Variants in LINGO2 observed in about 807,000 individuals in gnomAD.
LINGO2 encodes the protein leucine rich repeat and Ig domain containing 2.
LINGO2 carries 14 observed loss-of-function variants against 30.6 expected under a neutral mutation model. The ratio of observed to expected loss-of-function variants is 0.46; its 90% CI spans 0.30 to 0.72. The LOEUF (loss-of-function observed/expected upper bound fraction) is 0.72, where lower values mean the gene tolerates loss of function less well. Ranked by LOEUF, LINGO2 falls within the 30% of genes least tolerant of loss-of-function variation. The pLI is 0.07. For missense variants in LINGO2, 729 were observed against 751.7 expected (o/e 0.97, Z 0.35); for synonymous variants, 317 against 288.5 (o/e 1.10, Z -1.00).
the LINGO2 span, among the ~76,000 whole-genome samples, chr9:28,727,399 C>T: frequency 9.5e-4 from 145 of 152,192 alleles, no homozygotes; most frequent in African/African-American, 3.3e-3. Flanking sequence ...CATTCTCCTG[C>T]CTCAGCCTCC....
At chr9:28,705,137 G>A in the LINGO2 span, among the ~76,000 whole-genome samples, 2 of 151,850 alleles carry the variant, frequency 1.3e-5, no homozygotes, top group South Asian at 4.2e-4. Context: ...GGTTGGTCTC[G>A]AACTCTTGAG....
chr9:28,834,977 T>G, the LINGO2 span, among the ~76,000 whole-genome samples: 5 of 152,192 alleles, frequency 3.3e-5, no homozygotes, highest in African/African-American at 9.7e-5. Context: ...AATGTCTTTT[T>G]AAATGAATGA....
the LINGO2 span, among the ~76,000 whole-genome samples, chr9:28,886,588 T>C: frequency 2.0e-5 from 3 of 152,172 alleles, no homozygotes; most frequent in African/African-American, 7.2e-5. Context: ...ACATAATTTC[T>C]TTTGTTGCTT....
intron 1 of LINGO2, among the ~76,000 whole-genome samples, chr9:28,541,448 C>G (rs1821694047): frequency 6.6e-6 from 1 of 152,052 alleles, no homozygotes; most frequent in African/African-American, 2.4e-5. Flanking sequence ...CATTCATTGT[C>G]AGAAAAATAG....
the LINGO2 span, among the ~76,000 whole-genome samples, chr9:29,028,629 G>T: frequency 6.6e-6 from 1 of 152,104 alleles, no homozygotes; most frequent in Non-Finnish European, 1.5e-5. Context: ...TAGAAATGAT[G>T]GTTTGCCTAT....
At chr9:28,905,187 C>G in the LINGO2 span, among the ~76,000 whole-genome samples, 1 of 150,018 alleles carries the variant, frequency 6.7e-6, no homozygotes, top group Non-Finnish European at 1.5e-5. Context: ...AAGAAAATAA[C>G]AGGGAAGCTC....
chr9:28,038,761 CA>C (rs1041337627), intron 4 of LINGO2, among the ~76,000 whole-genome samples: 3 of 151,300 alleles, frequency 2.0e-5, no homozygotes, highest in African/African-American at 7.3e-5. Flanking sequence ...GTGTTGAAAT[CA>C]AACACTCCAA....
chr9:28,315,447 T>C (rs1824808551), intron 3 of LINGO2, among the ~76,000 whole-genome samples: 1 of 151,430 alleles, frequency 6.6e-6, no homozygotes, highest in Non-Finnish European at 1.5e-5. Flanking sequence ...TGATGTGGAG[T>C]GACTTTCCAT....
chr9:28,554,279 G>A (rs536050584), intron 1 of LINGO2, among the ~76,000 whole-genome samples: 74 of 150,872 alleles, frequency 4.9e-4, no homozygotes, highest in Non-Finnish European at 8.4e-4. Flanking sequence ...ACACACATAG[G>A]CTCAAAATAA....
intron 1 of LINGO2, among the ~76,000 whole-genome samples, chr9:28,622,897 T>C (rs1296717025): frequency 2.6e-5 from 4 of 152,066 alleles, no homozygotes; most frequent in Admixed American, 2.0e-4. Flanking sequence ...TGGGGTGAGA[T>C]GATATCTCAT....
At chr9:28,301,285 T>C (rs1824131350) in intron 3 of LINGO2, among the ~76,000 whole-genome samples, 1 of 151,962 alleles carries the variant, frequency 6.6e-6, no homozygotes, top group African/African-American at 2.4e-5. Flanking sequence ...TTGTAACTAT[T>C]GAGGAGTCAC....
At chr9:29,164,093 G>A in the LINGO2 span, among the ~76,000 whole-genome samples, 1 of 147,552 alleles carries the variant, frequency 6.8e-6, no homozygotes, top group Non-Finnish European at 1.5e-5. Flanking sequence ...GTTGATGAAG[G>A]GGCCTACATG....
chr9:27,943,743 G>A (rs543219298), downstream of LINGO2: 1 of 152,304 alleles, frequency 6.6e-6, no homozygotes, highest in African/African-American at 2.4e-5. Flanking sequence ...AGTGACAGTG[G>A]TAAGTAGGCA....
At chr9:28,486,440 A>G (rs1826165668) in intron 1 of LINGO2, among the ~76,000 whole-genome samples, 1 of 152,122 alleles carries the variant, frequency 6.6e-6, no homozygotes, top group South Asian at 2.1e-4. Context: ...TGTTATTTAG[A>G]GAAAAAAAAA....
chr9:27,961,417 A>G lies in LINGO2; in HGVS notation c.-35-10711T>C, dbSNP rs78940925. ...TCATCCTTGGTGGAGAGAGGTACAGACATAGCGAATAGTGTTTGCAAAGGC... is the reference window on the plus strand; with the variant it reads ...TCATCCTTGGTGGAGAGAGGTACAGGCATAGCGAATAGTGTTTGCAAAGGC... On this transcript the variant is annotated intron_variant, in intron 5 of 5. Coordinates refer to ENST00000379992, the Ensembl canonical transcript of LINGO2. Among the ~76,000 whole-genome samples, 345 of 152,296 alleles carry G rather than the reference A, an allele frequency of 2.3e-3. 3 individuals carry two copies. The highest frequency in any genetic ancestry group is 7.5e-3 in the African/African-American group (310 of 41,566).
At chr9:28,093,543 C>G (rs535536237) in intron 4 of LINGO2, among the ~76,000 whole-genome samples, 9 of 151,724 alleles carry the variant, frequency 5.9e-5, no homozygotes, top group Non-Finnish European at 1.2e-4. Context: ...TTTTTTTAAC[C>G]GTCACTTTTG....
chr9:29,006,017 T>C, the LINGO2 span, among the ~76,000 whole-genome samples: 1 of 151,896 alleles, frequency 6.6e-6, no homozygotes, highest in African/African-American at 2.4e-5. Context: ...TCTGTCTCAC[T>C]GTGTTTCAGA....
At chr9:28,741,481 G>T in the LINGO2 span, among the ~76,000 whole-genome samples, 3 of 151,952 alleles carry the variant, frequency 2.0e-5, no homozygotes, top group Non-Finnish European at 2.9e-5. Flanking sequence ...GGTACTGAGT[G>T]GGCCTAATGC....
intron 1 of LINGO2, among the ~76,000 whole-genome samples, chr9:28,508,817 C>T (rs1343643793): frequency 6.6e-6 from 1 of 152,008 alleles, no homozygotes; most frequent in Non-Finnish European, 1.5e-5. Context: ...AAGGATTTCT[C>T]CCTACCTTTG....
Sources: gnomAD v4.1 joint callset for allele counts (sites outside exome capture counted in the v4.1 genomes callset) on GRCh38, gnomAD v4.1.1 for gene constraint, MANE v1.5 for transcripts, NCBI Gene and HGNC (gene_info 2026-07-23, HGNC 2026-07-21) for gene names.